The following SYN3 variants were observed in gnomAD, a reference collection of about 807,000 sequenced individuals.
The protein encoded by SYN3 is synapsin III, also known as synapsin-3.
SYN3 carries 35 observed loss-of-function variants against 65.8 expected under a neutral mutation model. That is an observed-to-expected ratio of 0.53 (90% CI 0.41 to 0.70). SYN3 has a LOEUF of 0.70. Ranked by LOEUF, SYN3 falls within the 30% of genes least tolerant of loss-of-function variation. The probability of loss-of-function intolerance (pLI) is 0.00; values close to 1 mark genes in which losing one functional copy is unlikely to be tolerated. For synonymous variants in SYN3, 270 were observed against 292.9 expected (o/e 0.92, Z 0.80); for missense variants, 680 against 749.0 (o/e 0.91, Z 1.08).
intron 4 of SYN3, among the ~76,000 whole-genome samples, chr22:32,916,348 T>C (rs549300125): frequency 1.4e-4 from 21 of 152,272 alleles, no homozygotes; most frequent in Admixed American, 1.3e-3. Flanking sequence ...TTTGGGGTAG[T>C]TTGTTCCACA....
chr22:33,043,322 C>T (rs370468106), intron 1 of SYN3, among the ~76,000 whole-genome samples: 3 of 152,084 alleles, frequency 2.0e-5, no homozygotes, highest in Admixed American at 1.3e-4. Flanking sequence ...CCGAGGTGGG[C>T]GGATCACCTG....
intron 6 of SYN3, among the ~76,000 whole-genome samples, chr22:32,734,031 T>A (rs2061304831): frequency 6.6e-6 from 1 of 152,110 alleles, no homozygotes; most frequent in African/African-American, 2.4e-5. Flanking sequence ...CAAGAAAAGG[T>A]CCAGAACTAA....
intron 4 of SYN3, 32 bp from the exon 5 acceptor site, chr22:32,869,157 G>A (rs1202589059): frequency 2.5e-6 from 4 of 1,599,604 alleles, no homozygotes; most frequent in Non-Finnish European, 3.4e-6. Context: ...TTACCACACT[G>A]GGACATTGAT....
At chr22:32,602,419 A>T (rs1032812694) in intron 6 of SYN3, among the ~76,000 whole-genome samples, 5 of 151,932 alleles carry the variant, frequency 3.3e-5, no homozygotes, top group Non-Finnish European at 7.4e-5. Context: ...GTCAATAAAG[A>T]TAGTTCTATC....
rs531427742 is a variant in SYN3 at position 32,895,956 on chromosome 22, T to C, written c.462-26831A>G. On this transcript the variant is annotated intron_variant, in intron 4 of 13. Coordinates refer to ENST00000358763, the MANE Select transcript of SYN3 (RefSeq NM_003490.4). ...AATATTAATAGGGTTGTTGGGAAGA[T>C]TGAATTAGTTAATCCACGTAAGGCC... 1.2e-4 allele frequency among the ~76,000 whole-genome samples: 18 copies of C among 152,280 alleles called. No individual in the cohort carries two copies. In the South Asian group the frequency reaches 3.7e-3, roughly 32 times the overall value.
intron 3 of SYN3, among the ~76,000 whole-genome samples, chr22:32,980,311 C>A (rs1370234835): frequency 6.6e-6 from 1 of 152,174 alleles, no homozygotes; most frequent in African/African-American, 2.4e-5. Flanking sequence ...CAAGGAGATG[C>A]CCCAGGGGCC....
intron 6 of SYN3, among the ~76,000 whole-genome samples, chr22:32,710,838 C>A (rs1430814641): frequency 6.6e-6 from 1 of 152,124 alleles, no homozygotes; most frequent in Non-Finnish European, 1.5e-5. Context: ...CCAATTAAAC[C>A]TCTTTTCTTT....
chr22:32,791,912 CTTCT>C (rs890156194), intron 6 of SYN3, among the ~76,000 whole-genome samples: 21 of 151,772 alleles, frequency 1.4e-4, no homozygotes, highest in African/African-American at 4.8e-4. Flanking sequence ...TCTTCCATCC[CTTCT>C]TTGAGTATTA....
At chr22:32,743,431 A>G (rs2044833108) in intron 6 of SYN3, among the ~76,000 whole-genome samples, 1 of 152,206 alleles carries the variant, frequency 6.6e-6, no homozygotes. Flanking sequence ...GGGGCAGTGG[A>G]CACAGAGGAA....
At chr22:33,036,934 G>A (rs1334618505) in intron 1 of SYN3, among the ~76,000 whole-genome samples, 2 of 151,878 alleles carry the variant, frequency 1.3e-5, no homozygotes, top group South Asian at 2.1e-4. Context: ...CAGGTGATCC[G>A]CCCACCTCGG....
intron 6 of SYN3, among the ~76,000 whole-genome samples, chr22:32,840,376 G>C (rs2047859511): frequency 6.6e-6 from 1 of 152,120 alleles, no homozygotes; most frequent in Non-Finnish European, 1.5e-5. Flanking sequence ...TCAACGAAAA[G>C]GGCCTTTGAA....
intron 7 of SYN3, among the ~76,000 whole-genome samples, chr22:32,577,673 C>T (rs2058872166): frequency 6.6e-6 from 1 of 152,240 alleles, no homozygotes; most frequent in African/African-American, 2.4e-5. Flanking sequence ...ACCACCTGTC[C>T]TCACTCTGGG....
chr22:32,623,653 C>T (rs896408753), intron 6 of SYN3, among the ~76,000 whole-genome samples: 1 of 152,384 alleles, frequency 6.6e-6, no homozygotes, highest in South Asian at 2.1e-4. Flanking sequence ...CACTCCATTC[C>T]TCTCCTTGCC....
intron 4 of SYN3, among the ~76,000 whole-genome samples, chr22:32,902,481 C>T (rs558003482): frequency 6.6e-6 from 1 of 152,336 alleles, no homozygotes; most frequent in African/African-American, 2.4e-5. Context: ...ATTTGAAATA[C>T]CTTCTCCATT....
At chr22:32,708,892 G>A (rs952014176) in intron 6 of SYN3, among the ~76,000 whole-genome samples, 5 of 152,244 alleles carry the variant, frequency 3.3e-5, no homozygotes, top group East Asian at 3.9e-4. Flanking sequence ...GACTCCGTGC[G>A]GAAGGACTTT....
intron 6 of SYN3, among the ~76,000 whole-genome samples, chr22:32,755,462 A>T (rs566024463): frequency 2.0e-5 from 3 of 152,204 alleles, no homozygotes; most frequent in Non-Finnish European, 4.4e-5. Flanking sequence ...ATGATGATGG[A>T]GAAACAAAGA....
chr22:32,692,119 G>C (rs1484301622), intron 6 of SYN3, among the ~76,000 whole-genome samples: 26 of 104,946 alleles, frequency 2.5e-4, no homozygotes, highest in African/African-American at 1.0e-3. Flanking sequence ...GTTTGCTTTT[G>C]TTTGTCATTG....
At chr22:32,694,284 C>T (rs1325721196) in intron 6 of SYN3, among the ~76,000 whole-genome samples, 2 of 152,202 alleles carry the variant, frequency 1.3e-5, no homozygotes, top group Non-Finnish European at 2.9e-5. Flanking sequence ...ATACCTTTCC[C>T]CATATCCCTT....
intron 3 of SYN3, among the ~76,000 whole-genome samples, chr22:32,952,636 G>A (rs762290187): frequency 9.2e-5 from 14 of 152,104 alleles, no homozygotes; most frequent in East Asian, 1.9e-4. Flanking sequence ...CATGCCTATC[G>A]TCCTAGTTAC....
Sources: allele counts gnomAD v4.1 joint callset (sites outside exome capture counted in the v4.1 genomes callset), GRCh38; gene constraint gnomAD v4.1.1; transcripts MANE v1.5; gene names NCBI Gene and HGNC (gene_info 2026-07-23, HGNC 2026-07-21).